CCDC62: variants seen among roughly 807,000 people sequenced by gnomAD.
CCDC62 encodes coiled-coil domain containing 62.
In CCDC62, 72 loss-of-function variants were observed where a neutral mutation model predicts 80.8. The ratio of observed to expected loss-of-function variants is 0.89; its 90% CI spans 0.74 to 1.08. The LOEUF (loss-of-function observed/expected upper bound fraction) is 1.08, where lower values mean the gene tolerates loss of function less well. CCDC62 is among the 50% of genes least tolerant of loss of function. The probability of loss-of-function intolerance (pLI) is 0.00; values close to 1 mark genes in which losing one functional copy is unlikely to be tolerated. For missense variants in CCDC62, 704 were observed against 809.4 expected (o/e 0.87, Z 1.58); for synonymous variants, 286 against 296.5 (o/e 0.96, Z 0.36).
intron 8 of CCDC62, among the ~76,000 whole-genome samples, chr12:122,798,563 A>G (rs942972479): frequency 6.6e-6 from 1 of 152,122 alleles, no homozygotes; most frequent in African/African-American, 2.4e-5. Context: ...AGATCACGCC[A>G]CTGCACTCCA....
At chr12:122,821,666 C>G (rs1329978460) in intron 11 of CCDC62, among the ~76,000 whole-genome samples, 2 of 152,018 alleles carry the variant, frequency 1.3e-5, no homozygotes, top group Admixed American at 6.6e-5. Context: ...AGGCTGGTCT[C>G]AAACTCCTGG....
chr12:122,824,756 G>A (rs1223601208), intron 12 of CCDC62, among the ~76,000 whole-genome samples: 1 of 152,106 alleles, frequency 6.6e-6, no homozygotes, highest in Admixed American at 6.6e-5. Flanking sequence ...CGGAACCAGC[G>A]CAGATGCCCA....
intron 4 of CCDC62, among the ~76,000 whole-genome samples, chr12:122,787,196 C>G (rs2030307896): frequency 6.6e-6 from 1 of 152,080 alleles, no homozygotes; most frequent in Non-Finnish European, 1.5e-5. Context: ...GCCTATAATC[C>G]CAGCACTTTG....
chr12:122,795,428 A>G (rs2030877199), intron 6 of CCDC62, among the ~76,000 whole-genome samples: 1 of 147,930 alleles, frequency 6.8e-6, no homozygotes, highest in Non-Finnish European at 1.5e-5. Flanking sequence ...TAGAAAATGC[A>G]GTTCTTTTTT....
In CCDC62 at chr12:122,802,142, G is replaced by A. The variant is rs142546209; in HGVS notation, c.1706+290G>A. ...CAGTTGTTATGACTTGGGCAGATAT[G>A]CTTTATTAAAAAGCAAACGGGTGGA... On this transcript the variant is annotated intron_variant, in intron 9 of 12. Coordinates refer to ENST00000253079, the MANE Select transcript of CCDC62 (RefSeq NM_201435.5). 2.6e-3 allele frequency among the ~76,000 whole-genome samples: 400 copies of A among 152,274 alleles called. 2 individuals carry two copies. The highest frequency in any genetic ancestry group is 3.7e-3 in the Non-Finnish European group (255 of 68,026).
intron 7 of CCDC62, 74 bp from the exon 8 acceptor site, chr12:122,798,011 G>A: frequency 1.4e-6 from 1 of 729,298 alleles, no homozygotes; most frequent in South Asian, 1.6e-5. Flanking sequence ...ACTGTTTCAG[G>A]GAAAGTGCCA....
chr12:122,821,171 G>A (rs1335825438), intron 11 of CCDC62, among the ~76,000 whole-genome samples: 5 of 152,040 alleles, frequency 3.3e-5, no homozygotes, highest in Non-Finnish European at 5.9e-5. Context: ...TAGAGTTGCC[G>A]ATGCTTAACT....
intron 11 of CCDC62, among the ~76,000 whole-genome samples, chr12:122,821,292 G>A (rs2032395441): frequency 6.6e-6 from 1 of 152,194 alleles, no homozygotes; most frequent in African/African-American, 2.4e-5. Flanking sequence ...CCAGCGTTTA[G>A]CTGTAACACA....
intron 5 of CCDC62, 44 bp downstream of exon 5, chr12:122,788,973 G>A (rs778878291): frequency 4.8e-6 from 7 of 1,451,440 alleles, no homozygotes; most frequent in Non-Finnish European, 4.6e-6. Flanking sequence ...TATTATCTTG[G>A]GAATATAGTT....
At chr12:122,806,678 A>G (rs935762134) in intron 10 of CCDC62, among the ~76,000 whole-genome samples, 2 of 151,818 alleles carry the variant, frequency 1.3e-5, no homozygotes, top group East Asian at 1.9e-4. Context: ...CAGGGTCTCA[A>G]TTTGTTGCCC....
intron 10 of CCDC62, among the ~76,000 whole-genome samples, chr12:122,808,514 T>A (rs116089017): frequency 2.6e-5 from 4 of 151,864 alleles, no homozygotes; most frequent in African/African-American, 4.8e-5. Context: ...ATATGGTAGG[T>A]GTATATTTAA....
intron 10 of CCDC62, among the ~76,000 whole-genome samples, chr12:122,810,048 C>T (rs577464480): frequency 6.6e-6 from 1 of 152,132 alleles, no homozygotes; most frequent in East Asian, 1.9e-4. Flanking sequence ...AAATGTTAGA[C>T]CTAAAACCAT....
chr12:122,774,722 G>C lies in CCDC62; in HGVS notation c.36+16G>C, dbSNP rs557321193. 206 of 1,248,534 alleles carry C rather than the reference G, an allele frequency of 1.6e-4. 1 individual carries two copies. In the African/African-American group the frequency reaches 2.8e-3, roughly 17 times the overall value. 77.3% of individuals were successfully genotyped at this position (1,248,534 alleles called of 1,614,324 possible). A position where few individuals can be genotyped will look rare whatever the true frequency, so the allele number is the denominator to read the frequency against. Reference sequence around the variant, plus strand: ...CGGGCGCCAGGTAAGCAGCGGTTCCGGGCGCGGCGGGGCGCCGCGGGAACG... The same window carrying C: ...CGGGCGCCAGGTAAGCAGCGGTTCCCGGCGCGGCGGGGCGCCGCGGGAACG... On this transcript the variant is annotated intron_variant, in intron 1 of 12. Coordinates refer to ENST00000253079, the MANE Select transcript of CCDC62 (RefSeq NM_201435.5).
chr12:122,803,049 C>G (rs1173105514), intron 9 of CCDC62, among the ~76,000 whole-genome samples: 2 of 151,802 alleles, frequency 1.3e-5, no homozygotes, highest in African/African-American at 4.8e-5. Context: ...TGTCATGGCT[C>G]TTTTTTTAAA....
At chr12:122,817,144 C>T (rs138885275) in intron 11 of CCDC62, among the ~76,000 whole-genome samples, 6,497 of 151,540 alleles carry the variant, frequency 0.043, 465 homozygotes, top group African/African-American at 0.15. Context: ...CTCCACCTTC[C>T]GGGTTCACAC....
At chr12:122,783,418 G>A (rs1319176005) in intron 3 of CCDC62, among the ~76,000 whole-genome samples, 1 of 151,794 alleles carries the variant, frequency 6.6e-6, no homozygotes, top group Admixed American at 6.6e-5. Context: ...AGTAGAGACG[G>A]GGTTTCACCG....
chr12:122,786,217 A>G (rs555515431), intron 4 of CCDC62, among the ~76,000 whole-genome samples: 1,768 of 152,014 alleles, frequency 0.012, 36 homozygotes, highest in African/African-American at 0.041. Flanking sequence ...GCTCCGTCTC[A>G]GCTCGCTGCA....
Position 122,801,404 on chromosome 12 carries a change from G to A in CCDC62, c.1258G>A (p.Glu420Lys), listed in dbSNP as rs774617309. ...PWSLGGKTQI[E>K]PENKITLCKI... is the part of the protein sequence containing the mutation. ...GTCTCTGGGAGGAAAAACCCAGATT[G>A]AACCCGAAAACAAAATTACATTGTG... The change falls in exon 9 of 13, where the codon GAA becomes AAA. Residue 420 changes from glutamate to lysine, a missense_variant. By Grantham distance (56) the Glu-to-Lys change is moderately conservative. Coordinates refer to ENST00000253079, the MANE Select transcript of CCDC62 (RefSeq NM_201435.5). 1.2e-6 allele frequency: 2 copies of A among 1,614,120 alleles called. No individual in the cohort carries two copies. Among genetic ancestry groups the A allele is most frequent in the East Asian group, 4.5e-5 (2 of 44,890 alleles).
At chr12:122,774,979 A>G (rs1879332825) in intron 1 of CCDC62, among the ~76,000 whole-genome samples, 1 of 150,484 alleles carries the variant, frequency 6.6e-6, no homozygotes, top group Non-Finnish European at 1.5e-5. Flanking sequence ...CTGTAATCCC[A>G]GCTACTCGGG....
Sources: allele counts gnomAD v4.1 joint callset (sites outside exome capture counted in the v4.1 genomes callset), GRCh38; gene constraint gnomAD v4.1.1; transcripts MANE v1.5; gene names NCBI Gene and HGNC (gene_info 2026-07-23, HGNC 2026-07-21).